ATP8A2: variants seen among roughly 807,000 people sequenced by gnomAD.
ATP8A2 encodes phospholipid-transporting ATPase IB.
A neutral mutation model predicts 165.6 loss-of-function variants in ATP8A2; 100 were observed. The ratio of observed to expected loss-of-function variants is 0.60; its 90% CI spans 0.51 to 0.71. ATP8A2 has a LOEUF of 0.71. ATP8A2 is among the 30% of genes least tolerant of loss of function. The pLI, the probability that ATP8A2 is intolerant of heterozygous loss-of-function variation, is 0.00. For missense variants in ATP8A2, 1,227 were observed against 1,479.5 expected (o/e 0.83, Z 2.80); for synonymous variants, 543 against 548.8 (o/e 0.99, Z 0.15).
At chr13:25,813,452 T>A (rs144696338) in intron 27 of ATP8A2, among the ~76,000 whole-genome samples, 1 of 124,800 alleles carries the variant, frequency 8.0e-6, no homozygotes, top group Admixed American at 8.8e-5. Flanking sequence ...GGTGATATGA[T>A]GATGTGATAT....
At chr13:25,674,364 T>C (rs1052893335) in intron 24 of ATP8A2, among the ~76,000 whole-genome samples, 12 of 152,092 alleles carry the variant, frequency 7.9e-5, no homozygotes, top group African/African-American at 2.9e-4. Flanking sequence ...AAAATAGGCT[T>C]TTCAATAAAT....
intron 25 of ATP8A2, among the ~76,000 whole-genome samples, chr13:25,704,395 A>G (rs906232512): frequency 6.7e-6 from 1 of 149,182 alleles, no homozygotes; most frequent in Non-Finnish European, 1.5e-5. Context: ...GTGCAGTGCC[A>G]TGAACACAAA....
At chr13:25,459,084 G>A (rs182666097) in intron 1 of ATP8A2, among the ~76,000 whole-genome samples, 4 of 152,344 alleles carry the variant, frequency 2.6e-5, no homozygotes, top group Admixed American at 2.0e-4. Context: ...AGGCATTTAT[G>A]TGTAAGGATC....
intron 25 of ATP8A2, among the ~76,000 whole-genome samples, chr13:25,742,315 A>G (rs1388290068): frequency 6.6e-6 from 1 of 152,012 alleles, no homozygotes; most frequent in African/African-American, 2.4e-5. Context: ...GGGGCACATG[A>G]CTGTAAAAGT....
intron 33 of ATP8A2, among the ~76,000 whole-genome samples, chr13:25,932,974 G>A (rs1954804491): frequency 1.3e-5 from 2 of 152,306 alleles, no homozygotes; most frequent in South Asian, 2.1e-4. Flanking sequence ...AGCCTCCCCA[G>A]TAGCTGGGAG....
Position 25,611,757 on chromosome 13 carries a change from C to T in ATP8A2, c.2211+22058C>T, listed in dbSNP as rs181139708. Among the ~76,000 whole-genome samples the T allele has an allele frequency of 4.9e-3, 746 of 152,228 alleles. 3 individuals are homozygous for T. Among genetic ancestry groups the T allele is most frequent in the Non-Finnish European group, 9.2e-3 (623 of 67,988 alleles). On this transcript the variant is annotated intron_variant, in intron 24 of 36. Coordinates refer to ENST00000381655, the MANE Select transcript of ATP8A2 (RefSeq NM_016529.6). ...TAATAGAATTCAGCTGTGAATATAT[C>T]TGGTCCTGGGCTTATTTTTTGTTGG...
intron 1 of ATP8A2, among the ~76,000 whole-genome samples, chr13:25,418,312 A>C (rs2034194665): frequency 6.6e-6 from 1 of 152,210 alleles, no homozygotes; most frequent in African/African-American, 2.4e-5. Context: ...GTTTTCTTGC[A>C]GTCTTTTAAA....
chr13:25,422,438 G>A (rs1287242584), intron 1 of ATP8A2, among the ~76,000 whole-genome samples: 3 of 152,278 alleles, frequency 2.0e-5, no homozygotes, highest in Middle Eastern at 3.4e-3. Context: ...AGACCAATGA[G>A]TTAAAATCCC....
intron 25 of ATP8A2, among the ~76,000 whole-genome samples, chr13:25,718,451 A>G (rs1462337799): frequency 1.3e-5 from 2 of 151,764 alleles, no homozygotes; most frequent in African/African-American, 4.9e-5. Flanking sequence ...CGTGTGTATC[A>G]TTTTGGTTTG....
intron 33 of ATP8A2, among the ~76,000 whole-genome samples, chr13:25,898,113 G>C (rs972333530): frequency 2.6e-5 from 4 of 152,150 alleles, no homozygotes; most frequent in African/African-American, 9.7e-5. Context: ...CTGATTTTTA[G>C]AGTTTCCAGT....
chr13:25,696,992 A>G (rs1489704411), intron 24 of ATP8A2, among the ~76,000 whole-genome samples: 1 of 152,222 alleles, frequency 6.6e-6, no homozygotes, highest in African/African-American at 2.4e-5. Context: ...ATGAGAAAGA[A>G]GTTTAAAATA....
chr13:25,506,688 T>TCTGTGACA (rs1453828444), intron 2 of ATP8A2, among the ~76,000 whole-genome samples: 2 of 152,166 alleles, frequency 1.3e-5, no homozygotes, highest in Non-Finnish European at 1.5e-5. Flanking sequence ...AGGAGCAGCA[T>TCTGTGACA]CTGTGACACT....
At chr13:25,513,739 G>C (rs1035847187) in intron 2 of ATP8A2, among the ~76,000 whole-genome samples, 4 of 152,174 alleles carry the variant, frequency 2.6e-5, no homozygotes, top group African/African-American at 9.6e-5. Flanking sequence ...CGGATCACTC[G>C]CGGTTAGGAG....
At chr13:25,559,870 C>T in intron 15 of ATP8A2, 105 bp downstream of exon 15, 1 of 846,318 alleles carries the variant, frequency 1.2e-6, no homozygotes, top group Non-Finnish European at 1.9e-6. Flanking sequence ...CTCTATTGCA[C>T]AGGATGGAGT....
chr13:25,664,415 C>G (rs1000502641), intron 24 of ATP8A2, among the ~76,000 whole-genome samples: 7 of 152,148 alleles, frequency 4.6e-5, no homozygotes, highest in African/African-American at 1.7e-4. Context: ...GGCAGTTGGT[C>G]ACATGATCTT....
At chr13:25,605,381 C>A (rs1171229916) in intron 24 of ATP8A2, among the ~76,000 whole-genome samples, 2 of 152,010 alleles carry the variant, frequency 1.3e-5, no homozygotes, top group East Asian at 3.9e-4. Flanking sequence ...TAGTTTTAAA[C>A]CTCATTTGCC....
intron 24 of ATP8A2, among the ~76,000 whole-genome samples, chr13:25,635,448 G>A (rs1032359846): frequency 3.9e-5 from 6 of 152,142 alleles, no homozygotes; most frequent in South Asian, 2.1e-4. Flanking sequence ...AGGATGTGAC[G>A]TCTCGAGACT....
intron 35 of ATP8A2, among the ~76,000 whole-genome samples, chr13:25,968,964 G>C (rs1006855023): frequency 2.0e-5 from 3 of 152,154 alleles, no homozygotes; most frequent in Non-Finnish European, 4.4e-5. Context: ...TCTTAAGGTG[G>C]AAGAGTCCAG....
At chr13:25,478,134 T>G (rs1245866171) in intron 2 of ATP8A2, among the ~76,000 whole-genome samples, 1 of 151,998 alleles carries the variant, frequency 6.6e-6, no homozygotes, top group Non-Finnish European at 1.5e-5. Flanking sequence ...CTTCATATGT[T>G]TGTTGTGATG....
Sources: gnomAD v4.1 joint callset for allele counts (sites outside exome capture counted in the v4.1 genomes callset) on GRCh38, gnomAD v4.1.1 for gene constraint, MANE v1.5 for transcripts, NCBI Gene and HGNC (gene_info 2026-07-23, HGNC 2026-07-21) for gene names.